Variants in TDRD3 observed in about 807,000 individuals in gnomAD.
TDRD3 encodes tudor domain-containing protein 3.
Under a neutral mutation model 86.7 loss-of-function variants are expected in TDRD3, and 45 were observed. That is an observed-to-expected ratio of 0.52 (90% CI 0.41 to 0.67). TDRD3 has a LOEUF of 0.67. Among genes scored for constraint, TDRD3 ranks in the 30% least tolerant of loss-of-function variants. The pLI, the probability that TDRD3 is intolerant of heterozygous loss-of-function variation, is 0.00. For synonymous variants in TDRD3, 298 were observed against 301.7 expected (o/e 0.99, Z 0.13); for missense variants, 814 against 889.0 (o/e 0.92, Z 1.07).
intron 1 of TDRD3, among the ~76,000 whole-genome samples, chr13:60,423,047 C>T (rs181199824): frequency 1.2e-3 from 178 of 152,128 alleles, no homozygotes; most frequent in Non-Finnish European, 1.9e-3. Context: ...TCCTTAGGAC[C>T]GACATGAAAC....
intron 12 of TDRD3, among the ~76,000 whole-genome samples, chr13:60,559,928 C>CTG (rs59361145): frequency 0.45 from 69,002 of 151,722 alleles, 15,977 homozygotes; most frequent in South Asian, 0.54. Context: ...AAAATGGAAA[C>CTG]TGAGGTGATG....
chr13:60,473,682 G>A (rs1414991428), intron 5 of TDRD3, among the ~76,000 whole-genome samples: 1 of 152,212 alleles, frequency 6.6e-6, no homozygotes, highest in East Asian at 1.9e-4. Flanking sequence ...GCCATACAGA[G>A]ATAGGAGCTG....
intron 1 of TDRD3, among the ~76,000 whole-genome samples, chr13:60,418,099 A>G (rs1329970077): frequency 6.6e-6 from 1 of 152,174 alleles, no homozygotes; most frequent in Non-Finnish European, 1.5e-5. Flanking sequence ...AGTCTGTCTT[A>G]CAAAGGTATG....
rs146756376 is a variant in TDRD3, at chr13:60,420,983, A to G, written c.42-18705A>G. 2.2e-4 allele frequency among the ~76,000 whole-genome samples: 33 copies of G among 152,196 alleles called. No individual in the cohort carries two copies. In the East Asian group the frequency reaches 4.4e-3, roughly 20 times the overall value. On this transcript the variant is annotated intron_variant, in intron 1 of 13. Coordinates refer to ENST00000377881, the MANE Select transcript of TDRD3 (RefSeq NM_001146070.2). The stretch of plus-strand genomic sequence containing the variant: ...TCTGTTGACCGTATTTTGTGGGTCT[A>G]TATTGTTTTATTATTCTATTTGACT...
intron 4 of TDRD3, among the ~76,000 whole-genome samples, chr13:60,465,027 T>C (rs1955887856): frequency 6.6e-6 from 1 of 152,202 alleles, no homozygotes; most frequent in Non-Finnish European, 1.5e-5. Context: ...ACACATTGTA[T>C]ATATGTGTCA....
chr13:60,460,357 T>A (rs760343675), intron 3 of TDRD3, 23 bp from the exon 4 acceptor site: 2 of 1,561,832 alleles, frequency 1.3e-6, no homozygotes, highest in African/African-American at 2.8e-5. Context: ...GAAAGTGATT[T>A]TTATTCTTTT....
At chr13:60,539,240 C>G (rs925507745) in intron 12 of TDRD3, among the ~76,000 whole-genome samples, 2 of 151,924 alleles carry the variant, frequency 1.3e-5, no homozygotes, top group African/African-American at 4.8e-5. Context: ...GGGCACTGTT[C>G]TAGGTGAGGG....
chr13:60,503,458 C>T (rs1008070092), intron 8 of TDRD3, among the ~76,000 whole-genome samples: 6 of 152,114 alleles, frequency 3.9e-5, no homozygotes, highest in East Asian at 3.8e-4. Flanking sequence ...ATTAGACATT[C>T]GACTTTTAGA....
At chr13:60,478,835 A>T (rs1594990358) in intron 5 of TDRD3, among the ~76,000 whole-genome samples, 1 of 124,848 alleles carries the variant, frequency 8.0e-6, no homozygotes, top group African/African-American at 3.2e-5. Context: ...ATGGAGTCTC[A>T]CTGTGTCATC....
At chr13:60,400,716 C>T (rs1417653542) in intron 1 of TDRD3, among the ~76,000 whole-genome samples, 7 of 148,848 alleles carry the variant, frequency 4.7e-5, no homozygotes, top group South Asian at 2.1e-4. Flanking sequence ...CCATCCTGGG[C>T]GACAGAGCGA....
chr13:60,416,109 G>A (rs1206837141), intron 1 of TDRD3, among the ~76,000 whole-genome samples: 1 of 152,096 alleles, frequency 6.6e-6, no homozygotes, highest in East Asian at 1.9e-4. Flanking sequence ...AGTTGATAAG[G>A]TATTGATTTT....
chr13:60,456,002 G>A (rs533018151), intron 3 of TDRD3, among the ~76,000 whole-genome samples: 75 of 149,126 alleles, frequency 5.0e-4, no homozygotes, highest in African/African-American at 1.5e-3. Flanking sequence ...CCTGGGAGGC[G>A]GAGGTTGCAG....
chr13:60,528,087 A>C (rs945206852), intron 10 of TDRD3, among the ~76,000 whole-genome samples: 1 of 152,178 alleles, frequency 6.6e-6, no homozygotes, highest in East Asian at 1.9e-4. Context: ...AGAATAGCAT[A>C]TGTAGGTAGC....
At chr13:60,477,425 A>G (rs1956209244) in intron 5 of TDRD3, among the ~76,000 whole-genome samples, 1 of 151,942 alleles carries the variant, frequency 6.6e-6, no homozygotes, top group Non-Finnish European at 1.5e-5. Context: ...TTGTTGCCCA[A>G]GCTGGTCTCA....
chr13:60,419,187 T>G (rs1328219146), intron 1 of TDRD3, among the ~76,000 whole-genome samples: 1 of 152,224 alleles, frequency 6.6e-6, no homozygotes, highest in Non-Finnish European at 1.5e-5. Flanking sequence ...ATGAGAGATC[T>G]GGTTTCTCCA....
At chr13:60,501,352 C>T (rs1281619848) in intron 8 of TDRD3, among the ~76,000 whole-genome samples, 2 of 152,194 alleles carry the variant, frequency 1.3e-5, no homozygotes, top group African/African-American at 2.4e-5. Flanking sequence ...ATTGTTCTGT[C>T]TACAGCACCA....
At chr13:60,555,913 C>T (rs192454915) in intron 12 of TDRD3, among the ~76,000 whole-genome samples, 1,960 of 148,400 alleles carry the variant, frequency 0.013, 44 homozygotes, top group African/African-American at 0.045. Context: ...TGCAGTGGCG[C>T]GATCTCGGCT....
intron 7 of TDRD3, among the ~76,000 whole-genome samples, chr13:60,492,063 G>T (rs1956599957): frequency 6.6e-6 from 1 of 152,118 alleles, no homozygotes; most frequent in African/African-American, 2.4e-5. Flanking sequence ...TAATATTTAG[G>T]TTGTGATGGT....
chr13:60,549,109 C>T (rs1020160574), intron 12 of TDRD3, among the ~76,000 whole-genome samples: 1 of 152,064 alleles, frequency 6.6e-6, no homozygotes, highest in African/African-American at 2.4e-5. Context: ...CAATTTATAG[C>T]TTGAAAAGAC....
Sources: allele counts gnomAD v4.1 joint callset (sites outside exome capture counted in the v4.1 genomes callset), GRCh38; gene constraint gnomAD v4.1.1; transcripts MANE v1.5; gene names NCBI Gene and HGNC (gene_info 2026-07-23, HGNC 2026-07-21).